Variants in ZFHX3 observed in about 807,000 individuals in gnomAD.
The protein encoded by ZFHX3 is zinc finger homeobox protein 3.
Under a neutral mutation model 279.1 loss-of-function variants are expected in ZFHX3, and 42 were observed. The ratio of observed to expected loss-of-function variants is 0.15; its 90% CI spans 0.12 to 0.19. The LOEUF is 0.19. Ranked by LOEUF, ZFHX3 falls within the 10% of genes least tolerant of loss-of-function variation. ZFHX3 has a pLI of 1.00. For synonymous variants in ZFHX3, 2,293 were observed against 1,957.8 expected (o/e 1.17, Z -4.52); for missense variants, 4,981 against 4,754.0 (o/e 1.05, Z -1.40).
At chr16:73,524,689 G>A (rs1235800747) in intron 2 of ZFHX3, among the ~76,000 whole-genome samples, 1 of 152,182 alleles carries the variant, frequency 6.6e-6, no homozygotes, top group African/African-American at 2.4e-5. Flanking sequence ...ATGCAGCCCT[G>A]GCCTTCCGTG....
At chr16:73,092,945 C>A (rs1241799379) in intron 8 of ZFHX3, 1 of 519,996 alleles carries the variant, frequency 1.9e-6, no homozygotes, top group Non-Finnish European at 3.8e-6. Context: ...GAAAAGCCAA[C>A]CTGTATCCCT....
At chr16:73,109,848 C>CAAAACA (rs56066135) in intron 7 of ZFHX3, among the ~76,000 whole-genome samples, 37,609 of 149,866 alleles carry the variant, frequency 0.25, 4,939 homozygotes, top group African/African-American at 0.31. Flanking sequence ...GACTTGGTCT[C>CAAAACA]AAAACAAAAA....
chr16:73,696,957 G>A (rs182597210), intron 1 of ZFHX3, among the ~76,000 whole-genome samples: 11 of 152,162 alleles, frequency 7.2e-5, no homozygotes, highest in Non-Finnish European at 8.8e-5. Flanking sequence ...AATTCTAATA[G>A]CATCTGTTTG....
At chr16:73,244,424 T>C (rs1293775362) in intron 5 of ZFHX3, among the ~76,000 whole-genome samples, 1 of 152,140 alleles carries the variant, frequency 6.6e-6, no homozygotes, top group African/African-American at 2.4e-5. Flanking sequence ...GATTCGAGAA[T>C]GATTTTCACA....
intron 1 of ZFHX3, among the ~76,000 whole-genome samples, chr16:72,982,008 G>A (rs71388951): frequency 2.1e-4 from 32 of 150,928 alleles, no homozygotes; most frequent in Admixed American, 1.6e-3. Context: ...TCAGCCTCCT[G>A]AGTAGCTGGG....
chr16:72,811,529 C>A (rs750900852), intron 7 of ZFHX3, 48 bp downstream of exon 7: 57 of 1,504,358 alleles, frequency 3.8e-5, no homozygotes, highest in Non-Finnish European at 4.5e-5. Context: ...ACTGCATCAC[C>A]TTTGACCCTG....
At chr16:73,421,155 A>G (rs1257142165) in intron 3 of ZFHX3, 1 of 14,792 alleles carries the variant, frequency 6.8e-5, no homozygotes, top group Non-Finnish European at 1.2e-4. Context: ...AAATGAATGG[A>G]AAAAAAAATA....
At chr16:73,032,727 CA>C (rs1170401998) in intron 1 of ZFHX3, among the ~76,000 whole-genome samples, 2 of 152,056 alleles carry the variant, frequency 1.3e-5, no homozygotes, top group Admixed American at 6.5e-5. Flanking sequence ...CACACGCTTG[CA>C]AAGGACTTTC....
At chr16:73,849,104 A>G (rs328377) in intron 1 of ZFHX3, among the ~76,000 whole-genome samples, 2,030 of 152,354 alleles carry the variant, frequency 0.013, 49 homozygotes, top group African/African-American at 0.045. Flanking sequence ...TGAACTCATC[A>G]GTGCAAAGTA....
chr16:72,830,139 G>A (rs1342520709), intron 4 of ZFHX3, among the ~76,000 whole-genome samples: 1 of 152,234 alleles, frequency 6.6e-6, no homozygotes, highest in Non-Finnish European at 1.5e-5. Flanking sequence ...TGCTTCGCTT[G>A]AGTAGTTCTA....
At chr16:73,439,305 G>T (rs1321923839) in intron 3 of ZFHX3, among the ~76,000 whole-genome samples, 2 of 152,126 alleles carry the variant, frequency 1.3e-5, no homozygotes, top group African/African-American at 4.8e-5. Context: ...AGCCACCTGG[G>T]AGATGGATTA....
intron 2 of ZFHX3, among the ~76,000 whole-genome samples, chr16:73,635,762 T>A (rs957697632): frequency 6.6e-6 from 1 of 152,196 alleles, no homozygotes; most frequent in African/African-American, 2.4e-5. Context: ...ATATTCTCCT[T>A]TGTCTTCAAC....
At chr16:72,936,835 T>C (rs1004718477) in intron 3 of ZFHX3, among the ~76,000 whole-genome samples, 2 of 151,782 alleles carry the variant, frequency 1.3e-5, no homozygotes, top group African/African-American at 4.8e-5. Context: ...AAAATCCCTG[T>C]ATGGAGAGGG....
intron 6 of ZFHX3, among the ~76,000 whole-genome samples, chr16:73,142,732 C>T (rs1232911206): frequency 6.6e-6 from 1 of 152,182 alleles, no homozygotes; most frequent in Non-Finnish European, 1.5e-5. Flanking sequence ...ATAAAGTTAA[C>T]AGCTACTATT....
chr16:73,577,685 T>A (rs2051815006), intron 2 of ZFHX3, among the ~76,000 whole-genome samples: 1 of 152,190 alleles, frequency 6.6e-6, no homozygotes, highest in African/African-American at 2.4e-5. Flanking sequence ...ACTTTTGTTT[T>A]TAAAATTCTG....
At chr16:73,445,588 C>T (rs963075364) in intron 3 of ZFHX3, among the ~76,000 whole-genome samples, 9 of 152,090 alleles carry the variant, frequency 5.9e-5, no homozygotes, top group African/African-American at 1.7e-4. Flanking sequence ...ACGCAAGATG[C>T]CTGAAATTCA....
At chr16:73,068,418 A>G (rs1254572716) in intron 8 of ZFHX3, among the ~76,000 whole-genome samples, 2 of 152,206 alleles carry the variant, frequency 1.3e-5, no homozygotes, top group Non-Finnish European at 2.9e-5. Flanking sequence ...AGACTAAGAG[A>G]CAAGTCACTG....
chr16:73,520,825 G>A (rs796990638), intron 2 of ZFHX3, among the ~76,000 whole-genome samples: 12 of 152,194 alleles, frequency 7.9e-5, no homozygotes, highest in African/African-American at 2.9e-4. Flanking sequence ...TTCTGCCTTT[G>A]AAGAGTTTAT....
chr16:73,728,528 A>C (rs952358327), intron 1 of ZFHX3, among the ~76,000 whole-genome samples: 7 of 152,320 alleles, frequency 4.6e-5, no homozygotes, highest in Middle Eastern at 3.4e-3. Context: ...GCTGACATAA[A>C]GAGAAAATGT....
Sources: allele counts gnomAD v4.1 joint callset (sites outside exome capture counted in the v4.1 genomes callset), GRCh38; gene constraint gnomAD v4.1.1; transcripts MANE v1.5; gene names NCBI Gene and HGNC (gene_info 2026-07-23, HGNC 2026-07-21).